The following SIK2 variants were observed in gnomAD, a reference collection of about 807,000 sequenced individuals.
The protein encoded by SIK2 is salt inducible kinase 2, also known as serine/threonine-protein kinase SIK2.
In SIK2, 29 loss-of-function variants were observed where a neutral mutation model predicts 103.2. The observed-to-expected ratio is 0.28, with a 90% CI of 0.21 to 0.38. The LOEUF is 0.38. Ranked by LOEUF, SIK2 falls within the 10% of genes least tolerant of loss-of-function variation. The probability of loss-of-function intolerance (pLI) is 1.00; values close to 1 mark genes in which losing one functional copy is unlikely to be tolerated. For missense variants in SIK2, 879 were observed against 1,171.0 expected, an observed-to-expected ratio of 0.75 and a Z score of 3.64; for synonymous variants, 412 against 446.1, an observed-to-expected ratio of 0.92 and a Z score of 0.96.
At chr11:111,668,481 C>T (rs1299204315) in intron 3 of SIK2, among the ~76,000 whole-genome samples, 3 of 152,194 alleles carry the variant, frequency 2.0e-5, no homozygotes, top group Admixed American at 2.0e-4. Flanking sequence ...TTTTGGTAGT[C>T]ACCATTGATA....
intron 1 of SIK2, among the ~76,000 whole-genome samples, chr11:111,613,306 C>A (rs535959899): frequency 1.3e-5 from 2 of 151,954 alleles, no homozygotes; most frequent in South Asian, 2.1e-4. Context: ...AACCATAATC[C>A]CTTCTTTCCA....
At chr11:111,605,494 AAAT>A (rs1338226096) in intron 1 of SIK2, among the ~76,000 whole-genome samples, 54 of 152,344 alleles carry the variant, frequency 3.5e-4, no homozygotes, top group African/African-American at 1.3e-3. Context: ...TATGGTATAA[AAAT>A]AATATCAGCA....
chr11:111,638,705 C>A (rs1942142221), intron 3 of SIK2, among the ~76,000 whole-genome samples: 2 of 151,812 alleles, frequency 1.3e-5, no homozygotes, highest in Admixed American at 1.3e-4. Flanking sequence ...CTAGATGTTC[C>A]TTTTTTCTTA....
chr11:111,604,578 A>G (rs558064621), intron 1 of SIK2, among the ~76,000 whole-genome samples: 1 of 152,172 alleles, frequency 6.6e-6, no homozygotes, highest in Non-Finnish European at 1.5e-5. Context: ...TATCTTAAAG[A>G]GCTAGGGGGC....
rs150841398 is a variant in SIK2, at chr11:111,712,574, A to G, written c.1266+199A>G. 1.8e-4 allele frequency among the ~76,000 whole-genome samples: 27 copies of G among 152,300 alleles called. 1 individual carries two copies. The East Asian group carries it at 5.2e-3, about 29-fold the overall frequency. Reference sequence around the variant, plus strand: ...GTTTATCATTATGACCAGTATGACCATTACGTAATTTGTCAGACCTCGTGG... The same window carrying G: ...GTTTATCATTATGACCAGTATGACCGTTACGTAATTTGTCAGACCTCGTGG... On this transcript the variant is annotated intron_variant, in intron 9 of 14. Transcript: ENST00000304987.
chr11:111,720,083 C>A, intron 10 of SIK2, 80 bp downstream of exon 10: 1 of 1,349,200 alleles, frequency 7.4e-7, no homozygotes, highest in Non-Finnish European at 1.0e-6. Context: ...GTCACGATGC[C>A]AGCCAACACC....
At chr11:111,662,068 C>T (rs540777976) in intron 3 of SIK2, among the ~76,000 whole-genome samples, 2 of 152,298 alleles carry the variant, frequency 1.3e-5, no homozygotes, top group East Asian at 3.9e-4. Flanking sequence ...TTGCAGGGCA[C>T]ACTGGGAACT....
chr11:111,710,369 C>T (rs188637235), intron 8 of SIK2, among the ~76,000 whole-genome samples: 189 of 152,266 alleles, frequency 1.2e-3, no homozygotes, highest in Non-Finnish European at 1.8e-3. Flanking sequence ...GCATCCATAC[C>T]ATTCTGACAC....
chr11:111,727,111 T>A lies in SIK2; in HGVS notation c.*2982T>A, dbSNP rs1355412010. ...CAGGAAGAGGGGGCCCACTTTCACATTCCCGGTGACACTGACCGTCCCCAG... is the reference window on the plus strand; with the variant it reads ...CAGGAAGAGGGGGCCCACTTTCACAATCCCGGTGACACTGACCGTCCCCAG... On this transcript the variant is annotated 3_prime_UTR_variant, in exon 15 of 15. Transcript: ENST00000304987. The A allele has an allele frequency of 4.0e-6, 6 of 1,481,952 alleles. No homozygotes were observed. In the Admixed American group the frequency reaches 1.0e-4, roughly 25 times the overall value. The allele number at this position is 1,481,952 out of a possible 1,614,324, so 91.8% of individuals were successfully genotyped here.
At chr11:111,664,595 G>A (rs573330839) in intron 3 of SIK2, among the ~76,000 whole-genome samples, 1 of 152,128 alleles carries the variant, frequency 6.6e-6, no homozygotes, top group Non-Finnish European at 1.5e-5. Context: ...CAGCGTGGGC[G>A]ACAGAGCGAG....
chr11:111,727,522 G>C lies in SIK2; in HGVS notation c.*3393G>C, dbSNP rs1175829780. On this transcript the variant is annotated 3_prime_UTR_variant, in exon 15 of 15. Transcript: ENST00000304987. ...TGCTCTGCATTTTGATGGGGAGCAAGGGGGGACCCCCCCTGTAGGAGTATC... is the reference window on the plus strand; with the variant it reads ...TGCTCTGCATTTTGATGGGGAGCAACGGGGGACCCCCCCTGTAGGAGTATC... 2 of 169,312 alleles carry C rather than the reference G, an allele frequency of 1.2e-5. No homozygotes were observed. Among genetic ancestry groups the C allele is most frequent in the South Asian group, 1.6e-4 (1 of 6,294 alleles). 10.5% of individuals were successfully genotyped at this position (169,312 alleles called of 1,614,324 possible).
intron 8 of SIK2, among the ~76,000 whole-genome samples, chr11:111,708,184 C>A (rs1227138197): frequency 1.3e-5 from 2 of 152,034 alleles, no homozygotes; most frequent in Admixed American, 1.3e-4. Context: ...GAGTTTGAGA[C>A]CAGCCTGGGC....
intron 3 of SIK2, among the ~76,000 whole-genome samples, chr11:111,631,216 G>A (rs77346371): frequency 0.026 from 3,959 of 152,290 alleles, 80 homozygotes; most frequent in Non-Finnish European, 0.037. Flanking sequence ...GTTGATTCAA[G>A]ATAGAGGTAT....
At position 111,726,718 on chromosome 11, in the gene SIK2, A is replaced by G. The variant is rs533612; in HGVS notation, c.*2589A>G. On this transcript the variant is annotated 3_prime_UTR_variant, in exon 15 of 15. Transcript: ENST00000304987. ...TTTCTCTTCATCACTACTAACAAAC[A>G]AAACACTAAGAAGGCTTAGTATCGC... 0.97 allele frequency: 490,152 copies of G among 502,922 alleles called. 239,436 individuals are homozygous for G. The highest frequency in any genetic ancestry group is 1 in the East Asian group (30,869 of 30,870). 31.2% of individuals were successfully genotyped at this position (502,922 alleles called of 1,614,324 possible).
intron 4 of SIK2, among the ~76,000 whole-genome samples, chr11:111,691,797 A>G (rs1176138386): frequency 6.6e-6 from 1 of 152,218 alleles, no homozygotes; most frequent in East Asian, 1.9e-4. Context: ...CTGCTCTTGG[A>G]CTAAGTCCTG....
chr11:111,615,493 AAATT>A (rs1463332643), intron 1 of SIK2, among the ~76,000 whole-genome samples: 2 of 152,164 alleles, frequency 1.3e-5, no homozygotes, highest in Non-Finnish European at 2.9e-5. Flanking sequence ...TAATTTTAAT[AAATT>A]AGTTCTTTTT....
In SIK2 at chr11:111,723,523, G is replaced by A; in HGVS notation, c.2175G>A (p.Gln725=). Residue 725 remains glutamine (Q), a synonymous_variant, in exon 15 of 15, where the codon CAG becomes CAA. Transcript: ENST00000304987. ...TCCAGCAGAAGCGACTCTTTCTTCA[G>A]AAGCAGTCTCAACTGCAGGCCTATT... ...HRLQQKRLFL[Q]KQSQLQAYFN... 1 of 1,609,130 alleles carries A rather than the reference G, an allele frequency of 6.2e-7. No individual in the cohort carries two copies. Among genetic ancestry groups the A allele is most frequent in the African/African-American group, 1.3e-5 (1 of 74,924 alleles).
At chr11:111,682,084 A>T (rs1942784907) in intron 3 of SIK2, among the ~76,000 whole-genome samples, 1 of 152,174 alleles carries the variant, frequency 6.6e-6, no homozygotes, top group African/African-American at 2.4e-5. Context: ...TAATTGAAGG[A>T]TCAGGCTGTC....
intron 8 of SIK2, among the ~76,000 whole-genome samples, chr11:111,711,198 A>G (rs1431581234): frequency 2.0e-5 from 3 of 151,326 alleles, no homozygotes; most frequent in Non-Finnish European, 4.4e-5. Flanking sequence ...GGCTCACTGC[A>G]AGCTCCGCCT....
Sources: gnomAD v4.1 joint callset for allele counts (sites outside exome capture counted in the v4.1 genomes callset) on GRCh38, gnomAD v4.1.1 for gene constraint, MANE v1.5 for transcripts, NCBI Gene and HGNC (gene_info 2026-07-23, HGNC 2026-07-21) for gene names.